ADAM10: variants seen among roughly 807,000 people sequenced by gnomAD.
ADAM10 encodes ADAM metallopeptidase domain 10.
A neutral mutation model predicts 90.1 loss-of-function variants in ADAM10; 17 were observed. The observed-to-expected ratio is 0.19, with a 90% CI of 0.13 to 0.28. The LOEUF is 0.28. ADAM10 is among the 10% of genes least tolerant of loss of function. The pLI, the probability that ADAM10 is intolerant of heterozygous loss-of-function variation, is 1.00. For missense variants in ADAM10, 610 were observed against 914.3 expected (o/e 0.67, Z 4.29); for synonymous variants, 310 against 298.6 (o/e 1.04, Z -0.40).
intron 12 of ADAM10, 187 bp downstream of exon 12, chr15:58,611,621 G>A: frequency 1.7e-6 from 1 of 598,218 alleles, no homozygotes; most frequent in South Asian, 2.1e-5. Flanking sequence ...ACATGTACAT[G>A]GAAAGATGAA....
chr15:58,728,402 T>C (rs1453300587), intron 1 of ADAM10, among the ~76,000 whole-genome samples: 1 of 152,186 alleles, frequency 6.6e-6, no homozygotes, highest in Non-Finnish European at 1.5e-5. Flanking sequence ...TTGAATTTTA[T>C]TGTATGTAAA....
chr15:58,732,427 G>A (rs1367857222), intron 1 of ADAM10: 1 of 152,242 alleles, frequency 6.6e-6, no homozygotes, highest in Non-Finnish European at 1.5e-5. Flanking sequence ...TGAGCTTAAA[G>A]CCAGGCATGG....
chr15:58,615,646 C>T (rs1895587507), intron 11 of ADAM10, among the ~76,000 whole-genome samples: 1 of 152,114 alleles, frequency 6.6e-6, no homozygotes, highest in African/African-American at 2.4e-5. Context: ...AGATATTTCA[C>T]TCAACCAGAA....
rs539037415 is a variant in ADAM10, at chr15:58,594,754, A to G, written c.*2793T>C. 17 of 152,320 alleles carry G rather than the reference A, an allele frequency of 1.1e-4. No homozygotes were observed. The highest frequency in any genetic ancestry group is 4.1e-4 in the African/African-American group (17 of 41,584). The allele number at this position is 152,320 out of a possible 1,614,324, so 9.4% of individuals were successfully genotyped here. Reference sequence around the variant, plus strand: ...CATTCAATTACAAGTAAAAATAACTAATTTATAATTACCCAAATCAATCAA... The same window carrying G: ...CATTCAATTACAAGTAAAAATAACTGATTTATAATTACCCAAATCAATCAA... On this transcript the variant is annotated 3_prime_UTR_variant, in exon 16 of 16. Transcript: ENST00000260408.
chr15:58,670,197 T>TAA (rs1897162609), intron 4 of ADAM10, among the ~76,000 whole-genome samples: 1 of 149,018 alleles, frequency 6.7e-6, no homozygotes. Context: ...AAATCCTGTA[T>TAA]TAAAAAAAAA....
At chr15:58,716,560 A>G (rs1367193037) in intron 2 of ADAM10, among the ~76,000 whole-genome samples, 2 of 152,240 alleles carry the variant, frequency 1.3e-5, no homozygotes, top group Non-Finnish European at 2.9e-5. Flanking sequence ...GGCAAGTAAA[A>G]CAAAGTAAGT....
chr15:58,661,395 T>C (rs1166487480), intron 5 of ADAM10, among the ~76,000 whole-genome samples: 1 of 152,160 alleles, frequency 6.6e-6, no homozygotes, highest in Non-Finnish European at 1.5e-5. Context: ...ATTTGCCTTG[T>C]TTTTGAAAAT....
intron 5 of ADAM10, among the ~76,000 whole-genome samples, chr15:58,646,529 C>A (rs1182931500): frequency 6.6e-6 from 1 of 152,070 alleles, no homozygotes; most frequent in Non-Finnish European, 1.5e-5. Context: ...ACCCATCTAC[C>A]ATCCAGTTCT....
At chr15:58,658,095 T>C (rs549561806) in intron 5 of ADAM10, among the ~76,000 whole-genome samples, 2 of 152,290 alleles carry the variant, frequency 1.3e-5, no homozygotes, top group East Asian at 3.9e-4. Flanking sequence ...GAGAAATTGT[T>C]ATCACAAGTC....
intron 4 of ADAM10, among the ~76,000 whole-genome samples, chr15:58,666,746 G>A (rs569966760): frequency 5.9e-4 from 90 of 151,898 alleles, no homozygotes; most frequent in African/African-American, 2.0e-3. Context: ...TTATTTCTTC[G>A]CAAACTGAAT....
In ADAM10 at chr15:58,749,558, G is replaced by GCCGCCT; in HGVS notation, c.-30_-25dup. 6.5e-7 allele frequency: 1 copy of GCCGCCT among 1,548,840 alleles called. No homozygotes were observed. The highest frequency in any genetic ancestry group is 1.2e-5 in the South Asian group (1 of 83,800). On this transcript the variant is annotated 5_prime_UTR_variant, in exon 1 of 16. Coordinates refer to ENST00000260408, the MANE Select transcript of ADAM10 (RefSeq NM_001110.4). Reference sequence around the variant, plus strand: ...ATCTTCCGCTGCCGCTGCCGCCGCCGCCGCCTCCTCACGGGTTAACAGCAG... The same window carrying GCCGCCT: ...ATCTTCCGCTGCCGCTGCCGCCGCCGCCGCCTCCGCCTCCTCACGGGTTAACAGCAG...
intron 1 of ADAM10, among the ~76,000 whole-genome samples, chr15:58,722,191 A>T (rs551572787): frequency 1.3e-5 from 2 of 151,680 alleles, no homozygotes; most frequent in African/African-American, 4.8e-5. Context: ...AAATAACAAA[A>T]CTTAGCCTGG....
At position 58,610,447 on chromosome 15, in the gene ADAM10, G is replaced by C. The variant is rs769425996; in HGVS notation, c.1875C>G (p.Thr625=). The change falls in exon 14 of 16, where the codon ACC becomes ACG. Residue 625 remains threonine, a synonymous_variant. Coordinates refer to ENST00000260408, the MANE Select transcript of ADAM10 (RefSeq NM_001110.4). ...CGTTGCAAGGGGATCCAGGTTGCAG[G>C]GTGATGGTTCGACCACTGAAGTGCC... The part of the protein sequence containing the change: ...WSRHFSGRTI[T]LQPGSPCNDF... 6.2e-7 allele frequency: 1 copy of C among 1,614,146 alleles called. No individual in the cohort carries two copies. The highest frequency in any genetic ancestry group is 1.1e-5 in the South Asian group (1 of 91,078).
intron 4 of ADAM10, among the ~76,000 whole-genome samples, chr15:58,674,332 A>G (rs1897265585): frequency 6.6e-6 from 1 of 152,190 alleles, no homozygotes; most frequent in African/African-American, 2.4e-5. Context: ...TTCAAAACAT[A>G]TAGTAGAGAG....
chr15:58,731,461 C>CAA (rs201837288), intron 1 of ADAM10, among the ~76,000 whole-genome samples: 1 of 151,082 alleles, frequency 6.6e-6, no homozygotes, highest in Non-Finnish European at 1.5e-5. Context: ...TCAACAACAA[C>CAA]AAAAAAAATA....
At chr15:58,694,208 G>A (rs996078572) in intron 2 of ADAM10, among the ~76,000 whole-genome samples, 2 of 152,184 alleles carry the variant, frequency 1.3e-5, no homozygotes, top group Non-Finnish European at 2.9e-5. Context: ...CCAGCACTCT[G>A]GGAGGCCGAG....
At chr15:58,692,274 G>A (rs1258017756) in intron 2 of ADAM10, 1 of 606,290 alleles carries the variant, frequency 1.6e-6, no homozygotes, top group East Asian at 4.0e-5. Flanking sequence ...GGTCTTCCCA[G>A]GCACTGGTGA....
intron 5 of ADAM10, among the ~76,000 whole-genome samples, chr15:58,654,823 T>C (rs1050343674): frequency 1.3e-5 from 2 of 152,228 alleles, no homozygotes; most frequent in Admixed American, 6.5e-5. Flanking sequence ...TTGTTATTGA[T>C]TTCTAGTTTT....
rs528677305 is a variant in ADAM10 at position 58,590,244 on chromosome 15, A to G, written c.*7303T>C. 6 of 152,288 alleles carry G rather than the reference A, an allele frequency of 3.9e-5. No individual in the cohort carries two copies. Among genetic ancestry groups the G allele is most frequent in the Admixed American group, 3.9e-4 (6 of 15,274 alleles). The allele number at this position is 152,288 out of a possible 1,614,324, so 9.4% of individuals were successfully genotyped here. Reference sequence around the variant, plus strand: ...CCTCCTTTCTCAGTCCTATCTCTGCATGATCAGCTCTTGGATCACCAAAAA... The same window carrying G: ...CCTCCTTTCTCAGTCCTATCTCTGCGTGATCAGCTCTTGGATCACCAAAAA... On this transcript the variant is annotated 3_prime_UTR_variant, in exon 16 of 16. Coordinates refer to ENST00000260408, the MANE Select transcript of ADAM10 (RefSeq NM_001110.4).
Sources: gnomAD v4.1 joint callset for allele counts (sites outside exome capture counted in the v4.1 genomes callset) on GRCh38, gnomAD v4.1.1 for gene constraint, MANE v1.5 for transcripts, NCBI Gene and HGNC (gene_info 2026-07-23, HGNC 2026-07-21) for gene names.